The following MAX variants were observed in gnomAD, a reference collection of about 807,000 sequenced individuals.
The protein encoded by MAX is MYC associated transcriptional regulator X.
MAX carries 3 observed loss-of-function variants against 22.3 expected under a neutral mutation model. The observed-to-expected ratio is 0.13, with a 90% CI of 0.06 to 0.35. MAX has a LOEUF of 0.35. Ranked by LOEUF, MAX falls within the 10% of genes least tolerant of loss-of-function variation. The probability of loss-of-function intolerance (pLI) is 1.00; values close to 1 mark genes in which losing one functional copy is unlikely to be tolerated. For missense variants in MAX, 119 were observed against 209.4 expected (o/e 0.57, Z 2.66); for synonymous variants, 72 against 77.7 (o/e 0.93, Z 0.39).
intron 3 of MAX, among the ~76,000 whole-genome samples, chr14:65,055,468 CTG>C (rs2062712036): frequency 6.6e-6 from 1 of 152,066 alleles, no homozygotes; most frequent in African/African-American, 2.4e-5. Flanking sequence ...ATTTTCTCAT[CTG>C]TGTCATTGTA....
chr14:65,044,404 G>A lies in MAX; in HGVS notation c.172-38120C>T. The stretch of plus-strand genomic sequence containing the variant: ...TGGCTGCTACTCCTTCTGGCAGGCG[G>A]GGCTCCTGCCCCTGCTCCACCGCGC... On this transcript the variant is annotated intron_variant, in intron 3 of 3. Coordinates refer to the MAX transcript ENST00000341653. The surrounding 1 kb of genome is among the most constrained non-coding windows in gnomAD (Gnocchi z 5.5). 1 of 1,613,164 alleles carries A rather than the reference G, an allele frequency of 6.2e-7. No individual in the cohort carries two copies. The highest frequency in any genetic ancestry group is 8.5e-7 in the Non-Finnish European group (1 of 1,179,686).
downstream of MAX, among the ~76,000 whole-genome samples, chr14:65,073,464 C>T (rs529271876): frequency 1.1e-4 from 17 of 152,244 alleles, no homozygotes; most frequent in South Asian, 1.5e-3. Context: ...AAAACTGGGC[C>T]ATTTTAAATA....
chr14:65,096,929 C>T (rs1595174225), intron 2 of MAX, among the ~76,000 whole-genome samples: 1 of 152,186 alleles, frequency 6.6e-6, no homozygotes, highest in South Asian at 2.1e-4. Flanking sequence ...TGGCTGGATG[C>T]TGCCCACTCT....
At chr14:65,071,266 C>T (rs1339515242), downstream of MAX, among the ~76,000 whole-genome samples, 5 of 152,032 alleles carry the variant, frequency 3.3e-5, no homozygotes, top group South Asian at 4.1e-4. This position sits in a 1 kb window ranked among gnomAD's most constrained non-coding sequence, Gnocchi z 4.2. Flanking sequence ...CTCAGTCTCC[C>T]GAGTAGCTGG....
At position 65,012,236 on chromosome 14, in the gene MAX, G is replaced by A. The variant is rs915977935; in HGVS notation, c.172-5952C>T. On this transcript the variant is annotated intron_variant, in intron 3 of 3. Coordinates refer to the MAX transcript ENST00000341653. The surrounding 1 kb of genome is among the most constrained non-coding windows in gnomAD (Gnocchi z 5.0). ...ACGTCCTGAAGCTGAGTGTTTACCC[G>A]TGTGTGTGTACGTGCACATACGTGT... 64 of 1,535,002 alleles carry A rather than the reference G, an allele frequency of 4.2e-5. No homozygotes were observed. In the African/African-American group the frequency reaches 6.7e-4, roughly 16 times the overall value.
At chr14:65,033,384 T>A (rs1025532704) in intron 3 of MAX, among the ~76,000 whole-genome samples, 3 of 152,220 alleles carry the variant, frequency 2.0e-5, no homozygotes, top group African/African-American at 7.2e-5. Context: ...AGCATAGTGA[T>A]TCCCGCTGAG....
rs1566562977 is a variant in MAX at position 65,037,756 on chromosome 14, ATTTATTTAT to A, written c.172-31481_172-31473del. Reference sequence around the variant, plus strand: ...TTATTTATTTATTATTTATTTATTTATTTATTTATTTATTTATTTATTTATTTATTTATT... The same window carrying A: ...TTATTTATTTATTATTTATTTATTTATTATTTATTTATTTATTTATTTATT... On this transcript the variant is annotated intron_variant, in intron 3 of 3. Transcript: ENST00000341653. Among the ~76,000 whole-genome samples, 30 of 126,608 alleles carry A rather than the reference ATTTATTTAT, an allele frequency of 2.4e-4. 1 individual carries two copies. Among genetic ancestry groups the A allele is most frequent in the East Asian group, 7.8e-4 (3 of 3,830 alleles). The allele number at this position is 126,608 out of a possible 152,430, so 83.1% of individuals were successfully genotyped here.
In MAX at chr14:65,078,162, G is replaced by A. The variant is rs555511516; in HGVS notation, c.172-126C>T. 1.0e-6 allele frequency: 1 copy of A among 954,220 alleles called. No homozygotes were observed. Among genetic ancestry groups the A allele is most frequent in the Non-Finnish European group, 1.7e-6 (1 of 596,222 alleles). 59.1% of individuals were successfully genotyped at this position (954,220 alleles called of 1,614,324 possible). ...GAGGGTAAGGTGGGAAAAGGCTGAAGAAATACAATAATGGCTACTGTAGGC... is the reference window on the plus strand; with the variant it reads ...GAGGGTAAGGTGGGAAAAGGCTGAAAAAATACAATAATGGCTACTGTAGGC... On this transcript the variant is annotated intron_variant, in intron 3 of 4. Transcript: ENST00000358664. This position sits in a 1 kb window ranked among gnomAD's most constrained non-coding sequence, Gnocchi z 6.4.
At chr14:65,019,102 G>A (rs2061837507) in intron 3 of MAX, among the ~76,000 whole-genome samples, 1 of 152,212 alleles carries the variant, frequency 6.6e-6, no homozygotes, top group Non-Finnish European at 1.5e-5. Context: ...GAACCCGGGA[G>A]GCGGAGGTTG....
intron 3 of MAX, among the ~76,000 whole-genome samples, chr14:65,092,068 G>A (rs1429653538): frequency 6.6e-6 from 1 of 152,206 alleles, no homozygotes; most frequent in Non-Finnish European, 1.5e-5. Flanking sequence ...TTAGAATAAT[G>A]TAATTATAAG....
intron 2 of MAX, among the ~76,000 whole-genome samples, chr14:65,095,934 T>A (rs1462305805): frequency 2.6e-5 from 4 of 152,208 alleles, no homozygotes; most frequent in East Asian, 1.9e-4. Context: ...GAGCTAAGTA[T>A]AATCTAACAC....
In MAX at chr14:65,084,123, C is replaced by T; in HGVS notation, c.172-6087G>A. The stretch of plus-strand genomic sequence containing the variant: ...TAAGGCAGAGCTATCAGCCCTCAAG[C>T]AGCTTAATTAAAGCCAGGAGTAAGA... On this transcript the variant is annotated intron_variant, in intron 3 of 4. Transcript: ENST00000358664. This position sits in a 1 kb window ranked among gnomAD's most constrained non-coding sequence, Gnocchi z 4.3. 6.2e-7 allele frequency: 1 copy of T among 1,607,632 alleles called. No individual in the cohort carries two copies. Among genetic ancestry groups the T allele is most frequent in the Non-Finnish European group, 8.5e-7 (1 of 1,175,978 alleles).
intron 3 of MAX, among the ~76,000 whole-genome samples, chr14:65,025,562 C>T (rs1017324616): frequency 1.3e-5 from 2 of 152,182 alleles, no homozygotes; most frequent in Admixed American, 1.3e-4. Context: ...CACCTGTGAC[C>T]TCAGCACTTT....
chr14:65,067,041 T>C (rs1221919722), intron 3 of MAX, among the ~76,000 whole-genome samples: 1 of 147,456 alleles, frequency 6.8e-6, no homozygotes, highest in Non-Finnish European at 1.5e-5. Context: ...AAAAAATTAG[T>C]CGGATGCGGT....
intron 3 of MAX, among the ~76,000 whole-genome samples, chr14:65,067,517 C>T (rs1287873331): frequency 6.6e-6 from 1 of 152,160 alleles, no homozygotes; most frequent in East Asian, 1.9e-4. Flanking sequence ...TCATTCTTTC[C>T]TTGTTTTTGA....
intron 3 of MAX, among the ~76,000 whole-genome samples, chr14:65,067,367 G>C (rs181728980): frequency 1.7e-3 from 259 of 152,168 alleles, no homozygotes; most frequent in Non-Finnish European, 2.8e-3. Flanking sequence ...CATTACTAAA[G>C]AAAGTCCATA....
At chr14:65,016,445 G>C (rs948363603) in intron 3 of MAX, 1 of 152,264 alleles carries the variant, frequency 6.6e-6, no homozygotes, top group Non-Finnish European at 1.5e-5. Context: ...GGCAGCATGG[G>C]CTCTAGGCAG....
At chr14:65,052,422 A>T (rs529974370) in intron 3 of MAX, among the ~76,000 whole-genome samples, 155 of 152,344 alleles carry the variant, frequency 1.0e-3, no homozygotes, top group African/African-American at 3.4e-3. Context: ...TAGCCCAGGT[A>T]TCAAAATATA....
rs2062959488 is a variant in MAX, at chr14:65,069,016, G to T, written c.171+24692C>A. Among the ~76,000 whole-genome samples the T allele has an allele frequency of 6.6e-6, 1 of 152,176 alleles. No homozygotes were observed. The highest frequency in any genetic ancestry group is 2.4e-5 in the African/African-American group (1 of 41,434). On this transcript the variant is annotated intron_variant, in intron 3 of 3. Transcript: ENST00000341653. This position sits in a 1 kb window ranked among gnomAD's most constrained non-coding sequence, Gnocchi z 4.6. The stretch of plus-strand genomic sequence containing the variant: ...AGGGCTGCAAGGGTGCTGCTCCCAG[G>T]TGTGCTGAACAGAGAGGTAGCCAGG...
Sources: allele counts gnomAD v4.1 joint callset (sites outside exome capture counted in the v4.1 genomes callset), GRCh38; gene constraint gnomAD v4.1.1; non-coding constraint Gnocchi (gnomAD v3.1); transcripts MANE v1.5; gene names NCBI Gene and HGNC (gene_info 2026-07-23, HGNC 2026-07-21).